TLR1: variants seen among roughly 807,000 people sequenced by gnomAD.
TLR1 encodes the protein toll-like receptor 1.
Under a neutral mutation model 20.2 loss-of-function variants are expected in TLR1, and 19 were observed. That is an observed-to-expected ratio of 0.94 (90% CI 0.66 to 1.38). The LOEUF is 1.38. Among genes scored for constraint, TLR1 ranks in the 40% most tolerant of loss-of-function variants. TLR1 has a pLI of 0.00. For synonymous variants in TLR1, 320 were observed against 334.5 expected (o/e 0.96, Z 0.47); for missense variants, 921 against 910.0 (o/e 1.01, Z -0.16).
chr4:38,790,129 A>C (rs1375380949), downstream of TLR1, among the ~76,000 whole-genome samples: 1 of 152,230 alleles, frequency 6.6e-6, no homozygotes, highest in Non-Finnish European at 1.5e-5. Context: ...TGCAGAGCTG[A>C]CATCCTCTGA....
rs780186155 is a variant in TLR1, at chr4:38,797,257, T to C, written c.1575A>G (p.Pro525=). ...KMRSIKAGDN[P]FQCTCELGEF... ...CTCCTAGCTCACAGGTACATTGGAATGGATTGTCCCCTGCTTTTATTGACC... is the reference window on the plus strand; with the variant it reads ...CTCCTAGCTCACAGGTACATTGGAACGGATTGTCCCCTGCTTTTATTGACC... The change falls in exon 4 of 4, where the codon CCA becomes CCG. Residue 525 remains proline (P), a synonymous_variant. Transcript: ENST00000308979. 1.2e-6 allele frequency: 2 copies of C among 1,614,256 alleles called. No homozygotes were observed. Among genetic ancestry groups the C allele is most frequent in the East Asian group, 2.2e-5 (1 of 44,888 alleles).
downstream of TLR1, among the ~76,000 whole-genome samples, chr4:38,793,582 C>T (rs1318320438): frequency 2.0e-5 from 3 of 152,104 alleles, no homozygotes; most frequent in South Asian, 4.1e-4. Flanking sequence ...TTCAACCTCC[C>T]GCCAGCATCC....
At chr4:38,803,813 T>A (rs771875493) in intron 2 of TLR1, among the ~76,000 whole-genome samples, 13 of 152,246 alleles carry the variant, frequency 8.5e-5, no homozygotes, top group Non-Finnish European at 1.8e-4. Context: ...AATTTGAAAG[T>A]GTAAAATGCC....
Position 38,797,600 on chromosome 4 carries a change from C to A in TLR1, c.1232G>T (p.Ser411Ile), listed in dbSNP as rs1726210028. 9 of 1,613,750 alleles carry A rather than the reference C, an allele frequency of 5.6e-6. No homozygotes were observed. Among genetic ancestry groups the A allele is most frequent in the Non-Finnish European group, 7.6e-6 (9 of 1,180,000 alleles). ...ACAGTCTCCTTTCTTTTCATCATAG[C>A]TTACAGAATTCTGGCTAATATCCAA... is the stretch of plus-strand genomic sequence containing the variant. Reference protein sequence around the residue: ...QQLDISQNSVSYDEKKGDCSW... With the variant: ...QQLDISQNSVIYDEKKGDCSW... Residue 411 changes from serine to isoleucine, a missense_variant, in exon 4 of 4, where the codon AGC (serine) becomes ATC (isoleucine). Physicochemically the swap from Ser to Ile is moderately radical, Grantham distance 142. Transcript: ENST00000308979.
chr4:38,788,136 G>A (rs922400706), downstream of TLR1, among the ~76,000 whole-genome samples: 1 of 147,018 alleles, frequency 6.8e-6, no homozygotes, highest in Non-Finnish European at 1.5e-5. Context: ...AAATTAAAGA[G>A]GAAAGAGAGA....
chr4:38,796,446 G>T lies in TLR1; in HGVS notation c.*25C>A. The T allele has an allele frequency of 1.3e-6, 2 of 1,594,238 alleles. No individual in the cohort carries two copies. Among genetic ancestry groups the T allele is most frequent in the South Asian group, 1.1e-5 (1 of 89,626 alleles). ...CCAAAAGCAGCAATATCAACAGGAG[G>T]AATATTTTTCACTTGATGTGTAATC... is the stretch of plus-strand genomic sequence containing the variant. On this transcript the variant is annotated 3_prime_UTR_variant, in exon 4 of 4. Transcript: ENST00000308979.
At chr4:38,788,898 C>T (rs995115709), downstream of TLR1, among the ~76,000 whole-genome samples, 14 of 151,994 alleles carry the variant, frequency 9.2e-5, no homozygotes, top group African/African-American at 2.9e-4. Context: ...CCTAGCTACT[C>T]GGGAGGCTGA....
At chr4:38,793,399 C>A (rs1402684052), downstream of TLR1, among the ~76,000 whole-genome samples, 1 of 152,172 alleles carries the variant, frequency 6.6e-6, no homozygotes, top group African/African-American at 2.4e-5. Context: ...CATGACGGAG[C>A]TAGAATTGAA....
chr4:38,791,268 C>A (rs1725710624), downstream of TLR1: 1 of 152,128 alleles, frequency 6.6e-6, no homozygotes, highest in African/African-American at 2.4e-5. Flanking sequence ...AGTCATTTTA[C>A]TTAAAATGAA....
Position 38,796,857 on chromosome 4 carries a change from G to C in TLR1, c.1975C>G (p.Leu659Val). ...FWVKNELLPN[L>V]EKEGMQICLH... ...CAAATCTGCATACCTTCTTTCTCTAGGTTTGGCAATAATTCATTCTTCACC... is the reference window on the plus strand; with the variant it reads ...CAAATCTGCATACCTTCTTTCTCTACGTTTGGCAATAATTCATTCTTCACC... The change falls in exon 4 of 4, where the codon CTA becomes GTA. Residue 659 changes from leucine to valine, a missense_variant. By Grantham distance (32) the Leu-to-Val change is conservative. Coordinates refer to ENST00000308979, the MANE Select transcript of TLR1 (RefSeq NM_003263.4). The C allele has an allele frequency of 6.2e-7, 1 of 1,614,182 alleles. No individual in the cohort carries two copies. Among genetic ancestry groups the C allele is most frequent in the Non-Finnish European group, 8.5e-7 (1 of 1,180,048 alleles).
At chr4:38,792,853 T>TTATATATTTATATATATATATATATA (rs1725796344), downstream of TLR1, among the ~76,000 whole-genome samples, 1 of 122,218 alleles carries the variant, frequency 8.2e-6, no homozygotes, top group Non-Finnish European at 1.8e-5. Flanking sequence ...TATTTTCAAA[T>TTATATATTTATATATATATATATATA]TATATATATA....
Position 38,798,893 on chromosome 4 carries a change from C to A in TLR1, c.-62G>T. ...TCTTCAGATCATCTTGATACAGATA[C>A]AGATTCTAGAAAAAAAATAATGAAA... On this transcript the variant is annotated 5_prime_UTR_variant, in exon 4 of 4. Transcript: ENST00000308979. 1 of 1,225,802 alleles carries A rather than the reference C, an allele frequency of 8.2e-7. No homozygotes were observed. The allele number at this position is 1,225,802 out of a possible 1,614,324, so 75.9% of individuals were successfully genotyped here.
intron 3 of TLR1, among the ~76,000 whole-genome samples, 152 bp from the exon 4 acceptor site, chr4:38,799,050 T>C (rs978996000): frequency 3.9e-5 from 6 of 152,170 alleles, no homozygotes; most frequent in Non-Finnish European, 7.3e-5. Context: ...ACTAGAGAAG[T>C]ATATATATTG....
chr4:38,798,123 G>T lies in TLR1; in HGVS notation c.709C>A (p.Leu237Met). 1 of 1,613,726 alleles carries T rather than the reference G, an allele frequency of 6.2e-7. No homozygotes were observed. The highest frequency in any genetic ancestry group is 1.3e-5 in the African/African-American group (1 of 75,032). ...TTTGGATTTGTTTGAAGTTTCGCCAGAATACTTAGGAAGTAAGAACATTTG... is the reference window on the plus strand; with the variant it reads ...TTTGGATTTGTTTGAAGTTTCGCCATAATACTTAGGAAGTAAGAACATTTG... ...DNKCSYFLSI[L>M]AKLQTNPKLS... Residue 237 changes from leucine to methionine, a missense_variant, in exon 4 of 4, where the codon CTG becomes ATG. Transcript: ENST00000308979.
chr4:38,802,007 G>C (rs1726693113), intron 2 of TLR1, among the ~76,000 whole-genome samples: 1 of 152,140 alleles, frequency 6.6e-6, no homozygotes, highest in Non-Finnish European at 1.5e-5. Context: ...GACTAGTCTG[G>C]CCAGCATGGT....
rs1194252273 is a variant in TLR1, at chr4:38,797,565, T to C, written c.1267A>G (p.Lys423Glu). The change falls in exon 4 of 4, where the codon AAA becomes GAA. Residue 423 changes from lysine to glutamate, a missense_variant. Coordinates refer to ENST00000308979, the MANE Select transcript of TLR1 (RefSeq NM_003263.4). ...DEKKGDCSWT[K>E]SLLSLNMSSN... is the part of the protein sequence containing the mutation. Reference sequence around the variant, plus strand: ...GACATATTTAAACTTAATAAACTTTTAGTCCAAGAACAGTCTCCTTTCTTT... The same window carrying C: ...GACATATTTAAACTTAATAAACTTTCAGTCCAAGAACAGTCTCCTTTCTTT... The C allele has an allele frequency of 3.1e-6, 5 of 1,613,400 alleles. No homozygotes were observed. The highest frequency in any genetic ancestry group is 1.7e-5 in the Admixed American group (1 of 59,862).
chr4:38,796,957 G>A lies in TLR1; in HGVS notation c.1875C>T (p.Asn625=). The change falls in exon 4 of 4, where the codon AAC becomes AAT. Residue 625 remains asparagine, a synonymous_variant. Coordinates refer to ENST00000308979, the MANE Select transcript of TLR1 (RefSeq NM_003263.4). The part of the protein sequence containing the change: ...QWTQTRRRAR[N]IPLEELQRNL... The stretch of plus-strand genomic sequence containing the variant: ...TTCTTTGGAGTTCTTCTAAGGGTAT[G>A]TTCCTGGCCCTGCGCCGGGTCTGGG... 4 of 1,614,212 alleles carry A rather than the reference G, an allele frequency of 2.5e-6. No homozygotes were observed. The highest frequency in any genetic ancestry group is 1.7e-5 in the Admixed American group (1 of 60,032).
At chr4:38,799,186 T>C (rs1726460525) in intron 3 of TLR1, among the ~76,000 whole-genome samples, 1 of 152,242 alleles carries the variant, frequency 6.6e-6, no homozygotes, top group Admixed American at 6.5e-5. Flanking sequence ...ACCATGAATG[T>C]TACCTTCCTT....
downstream of TLR1, among the ~76,000 whole-genome samples, chr4:38,795,303 A>G (rs1032699584): frequency 2.0e-5 from 3 of 152,154 alleles, no homozygotes; most frequent in African/African-American, 7.2e-5. Flanking sequence ...TGGTGTAGTT[A>G]TGACAAGGTT....
Sources: gnomAD v4.1 joint callset for allele counts (sites outside exome capture counted in the v4.1 genomes callset) on GRCh38, gnomAD v4.1.1 for gene constraint, MANE v1.5 for transcripts, NCBI Gene and HGNC (gene_info 2026-07-23, HGNC 2026-07-21) for gene names.